GFPT1: variants seen among roughly 807,000 people sequenced by gnomAD.
The protein encoded by GFPT1 is glutamine--fructose-6-phosphate transaminase 1.
A neutral mutation model predicts 92.0 loss-of-function variants in GFPT1; 40 were observed. That is an observed-to-expected ratio of 0.43 (90% CI 0.34 to 0.57). The LOEUF (loss-of-function observed/expected upper bound fraction) is 0.57, where lower values mean the gene tolerates loss of function less well. GFPT1 is among the 20% of genes least tolerant of loss of function. The pLI, the probability that GFPT1 is intolerant of heterozygous loss-of-function variation, is 0.02. For synonymous variants in GFPT1, 269 were observed against 280.6 expected (o/e 0.96, Z 0.41); for missense variants, 448 against 869.1 (o/e 0.52, Z 6.09).
At chr2:69,360,383 T>A (rs1295226536) in intron 4 of GFPT1, among the ~76,000 whole-genome samples, 1 of 151,504 alleles carries the variant, frequency 6.6e-6, no homozygotes, top group Admixed American at 6.6e-5. Context: ...TATTCAGAGT[T>A]CATTTCAGTT....
At position 69,359,339 on chromosome 2, in the gene GFPT1, A is replaced by G. The variant is rs1312923961; in HGVS notation, c.350-13T>C. On this transcript the variant is annotated splice_polypyrimidine_tract_variant and intron_variant, in intron 4 of 19. Transcript: ENST00000357308. ...ATAACGATAAATTCTAAAAGAGGTA[A>G]AAGTGTTGAAGACAAAAAAGTTAGA... 6.8e-7 allele frequency: 1 copy of G among 1,473,716 alleles called. No individual in the cohort carries two copies. The highest frequency in any genetic ancestry group is 1.4e-5 in the African/African-American group (1 of 72,250). The allele number at this position is 1,473,716 out of a possible 1,614,324, so 91.3% of individuals were successfully genotyped here.
chr2:69,361,447 CAAAAAAA>C (rs558027010), intron 4 of GFPT1, among the ~76,000 whole-genome samples: 1 of 87,954 alleles, frequency 1.1e-5, no homozygotes. Context: ...GATTCCTTCT[CAAAAAAA>C]AAAAAAAAAA....
chr2:69,327,351 A>G (rs538528792), intron 18 of GFPT1, among the ~76,000 whole-genome samples: 1 of 152,334 alleles, frequency 6.6e-6, no homozygotes, highest in East Asian at 1.9e-4. Flanking sequence ...CAAGTTCATT[A>G]CCACCACATT....
At chr2:69,364,114 CAAA>C (rs10715095) in intron 3 of GFPT1, among the ~76,000 whole-genome samples, 3 of 99,100 alleles carry the variant, frequency 3.0e-5, no homozygotes, top group Non-Finnish European at 4.3e-5. Context: ...GACTCCATCT[CAAA>C]AAAAAAAAAA....
In GFPT1 at chr2:69,322,994, T is replaced by C. The variant is rs541590515; in HGVS notation, c.*3195A>G. On this transcript the variant is annotated 3_prime_UTR_variant, in exon 20 of 20. Transcript: ENST00000357308. ...CTGGGGACAAATACTGCTTTAAAGA[T>C]GATGTAATTTTCAATGCCAACCACA... 9.8e-4 allele frequency: 149 copies of C among 152,340 alleles called. 2 individuals are homozygous for C. Among genetic ancestry groups the C allele is most frequent in the African/African-American group, 3.5e-3 (144 of 41,576 alleles). 9.4% of individuals were successfully genotyped at this position (152,340 alleles called of 1,614,324 possible). A position where few individuals can be genotyped will look rare whatever the true frequency, so the allele number is the denominator to read the frequency against.
intron 3 of GFPT1, among the ~76,000 whole-genome samples, chr2:69,369,617 C>G (rs536024880): frequency 6.6e-6 from 1 of 152,288 alleles, no homozygotes; most frequent in South Asian, 2.1e-4. Context: ...CCAAGCTAGG[C>G]ATTTAATCCA....
At chr2:69,374,543 G>C (rs1468445050) in intron 1 of GFPT1, among the ~76,000 whole-genome samples, 1 of 152,054 alleles carries the variant, frequency 6.6e-6, no homozygotes, top group Admixed American at 6.6e-5. Context: ...TCAATCTCCT[G>C]ACCTCGTGAT....
intron 2 of GFPT1, among the ~76,000 whole-genome samples, chr2:69,371,061 TTTTTC>T (rs1224699310): frequency 7.9e-5 from 12 of 150,956 alleles, no homozygotes; most frequent in South Asian, 2.1e-4. Flanking sequence ...ATTCAGCTTA[TTTTTC>T]TTTTCTTTTC....
At position 69,357,594 on chromosome 2, in the gene GFPT1, C is replaced by A. The variant is rs867184803; in HGVS notation, c.543+735G>T. ...ATCTTCCTGCTTCCTCTTTTTGCTA[C>A]AGATATAAGATTTGGGTGCAGGTGG... On this transcript the variant is annotated intron_variant, in intron 6 of 19. Coordinates refer to ENST00000357308, the MANE Select transcript of GFPT1 (RefSeq NM_001244710.2). Among the ~76,000 whole-genome samples, 10 of 152,220 alleles carry A rather than the reference C, an allele frequency of 6.6e-5. No individual in the cohort carries two copies. In the South Asian group the frequency reaches 8.3e-4, roughly 13 times the overall value.
intron 11 of GFPT1, among the ~76,000 whole-genome samples, chr2:69,347,631 C>T (rs1377231775): frequency 6.6e-6 from 1 of 152,002 alleles, no homozygotes; most frequent in Non-Finnish European, 1.5e-5. Flanking sequence ...GCATGCGCCA[C>T]CACACCCAGC....
Position 69,377,113 on chromosome 2 carries a change from CAGG to C in GFPT1, c.8-3003_8-3001del, listed in dbSNP as rs142714895. Among the ~76,000 whole-genome samples the C allele has an allele frequency of 1.2e-3, 167 of 142,478 alleles. 2 individuals are homozygous for C. Among genetic ancestry groups the C allele is most frequent in the Middle Eastern group, 4.3e-3 (1 of 232 alleles). 93.5% of individuals were successfully genotyped at this position (142,478 alleles called of 152,430 possible). A position where few individuals can be genotyped will look rare whatever the true frequency, so the allele number is the denominator to read the frequency against. ...ATCGCAGCTACTCAGGCGGCTGAAG[CAGG>C]AGAATTGCTTGAACCTGGGAGGCAG... On this transcript the variant is annotated intron_variant, in intron 1 of 19. Coordinates refer to ENST00000357308, the MANE Select transcript of GFPT1 (RefSeq NM_001244710.2).
At chr2:69,327,864 G>A (rs553277189) in intron 18 of GFPT1, among the ~76,000 whole-genome samples, 1 of 151,794 alleles carries the variant, frequency 6.6e-6, no homozygotes, top group Admixed American at 6.6e-5. Flanking sequence ...GAACTTTGGG[G>A]GGTTGAGGCA....
At chr2:69,347,269 T>G (rs1671106179) in intron 11 of GFPT1, among the ~76,000 whole-genome samples, 1 of 151,728 alleles carries the variant, frequency 6.6e-6, no homozygotes, top group African/African-American at 2.4e-5. Flanking sequence ...CAGGCTGGTC[T>G]CAAACTCCTG....
intron 3 of GFPT1, among the ~76,000 whole-genome samples, chr2:69,364,418 G>T (rs1233743032): frequency 1.3e-5 from 2 of 152,058 alleles, no homozygotes; most frequent in Non-Finnish European, 2.9e-5. Flanking sequence ...CAAGAGTTAA[G>T]GACAAAAACA....
chr2:69,378,048 C>A (rs1197407270), intron 1 of GFPT1, among the ~76,000 whole-genome samples: 1 of 152,184 alleles, frequency 6.6e-6, no homozygotes, highest in Non-Finnish European at 1.5e-5. Flanking sequence ...CAGAGTCTCG[C>A]TTTGTCGCCA....
At chr2:69,356,844 T>C (rs1370705347) in intron 6 of GFPT1, among the ~76,000 whole-genome samples, 1 of 151,892 alleles carries the variant, frequency 6.6e-6, no homozygotes, top group Non-Finnish European at 1.5e-5. Flanking sequence ...TTCAAGTGAT[T>C]CTCCTGCCTC....
intron 3 of GFPT1, among the ~76,000 whole-genome samples, chr2:69,368,615 G>A (rs922329429): frequency 1.3e-5 from 2 of 152,062 alleles, no homozygotes; most frequent in Non-Finnish European, 2.9e-5. Flanking sequence ...GGTAATCCCA[G>A]CCACTCGGGA....
chr2:69,375,067 G>A (rs899491222), intron 1 of GFPT1, among the ~76,000 whole-genome samples: 11 of 152,120 alleles, frequency 7.2e-5, no homozygotes, highest in Admixed American at 3.3e-4. Flanking sequence ...TGAACTGAAC[G>A]GGATAAGCAA....
At chr2:69,338,420 T>A (rs1670856198) in intron 14 of GFPT1, 25 bp downstream of exon 14, 2 of 1,592,260 alleles carry the variant, frequency 1.3e-6, no homozygotes, top group Admixed American at 1.7e-5. Flanking sequence ...CTTTCCTTCC[T>A]TTTAAGTCTT....
Sources: gnomAD v4.1 joint callset for allele counts (sites outside exome capture counted in the v4.1 genomes callset) on GRCh38, gnomAD v4.1.1 for gene constraint, MANE v1.5 for transcripts, NCBI Gene and HGNC (gene_info 2026-07-23, HGNC 2026-07-21) for gene names.